UBXN2B: variants seen among roughly 807,000 people sequenced by gnomAD.
The protein encoded by UBXN2B is UBX domain-containing protein 2B.
A neutral mutation model predicts 37.5 loss-of-function variants in UBXN2B; 19 were observed. That is an observed-to-expected ratio of 0.51 (90% CI 0.35 to 0.74). The LOEUF (loss-of-function observed/expected upper bound fraction) is 0.74, where lower values mean the gene tolerates loss of function less well. UBXN2B is among the 30% of genes least tolerant of loss of function. The pLI, the probability that UBXN2B is intolerant of heterozygous loss-of-function variation, is 0.01. For missense variants in UBXN2B, 370 were observed against 393.2 expected (o/e 0.94, Z 0.50); for synonymous variants, 145 against 143.8 (o/e 1.01, Z -0.06).
chr8:58,411,799 A>G (rs776156090), intron 1 of UBXN2B, among the ~76,000 whole-genome samples: 12 of 152,208 alleles, frequency 7.9e-5, no homozygotes, highest in Non-Finnish European at 1.6e-4. Context: ...CTCCAGAAGA[A>G]AGGTTACTGT....
At position 58,447,380 on chromosome 8, in the gene UBXN2B, T is replaced by C. The variant is rs1197702987; in HGVS notation, c.834-9T>C. The C allele has an allele frequency of 1.3e-6, 2 of 1,552,388 alleles. No homozygotes were observed. The highest frequency in any genetic ancestry group is 1.7e-6 in the Non-Finnish European group (2 of 1,149,218). ...TATATTACAAATTATTTTTGTCTTATTTCTTCAGGATCCTGGATGTCCGGA... is the reference window on the plus strand; with the variant it reads ...TATATTACAAATTATTTTTGTCTTACTTCTTCAGGATCCTGGATGTCCGGA... On this transcript the variant is annotated splice_polypyrimidine_tract_variant and intron_variant, in intron 7 of 7. Coordinates refer to ENST00000399598, the MANE Select transcript of UBXN2B (RefSeq NM_001077619.2).
Position 58,430,514 on chromosome 8 carries a change from T to C in UBXN2B, c.189-5T>C. 1 of 1,533,236 alleles carries C rather than the reference T, an allele frequency of 6.5e-7. No individual in the cohort carries two copies. Among genetic ancestry groups the C allele is most frequent in the South Asian group, 1.3e-5 (1 of 76,492 alleles). 95.0% of individuals were successfully genotyped at this position (1,533,236 alleles called of 1,614,324 possible). On this transcript the variant is annotated splice_region_variant and splice_polypyrimidine_tract_variant and intron_variant, in intron 2 of 7. Coordinates refer to ENST00000399598, the MANE Select transcript of UBXN2B (RefSeq NM_001077619.2). ...GTTTTTATTCATGAACTAAAATGTT[T>C]AAAGGTTTTACTCAAGTGAACATGA...
intron 6 of UBXN2B, among the ~76,000 whole-genome samples, chr8:58,440,734 C>T (rs1290847850): frequency 6.6e-6 from 1 of 152,134 alleles, no homozygotes; most frequent in Non-Finnish European, 1.5e-5. Context: ...TCAGTTGCCT[C>T]GTGTACACTG....
rs559529959 is a variant in UBXN2B at position 58,420,911 on chromosome 8, A to G, written c.188+3958A>G. On this transcript the variant is annotated intron_variant, in intron 2 of 7. Coordinates refer to ENST00000399598, the MANE Select transcript of UBXN2B (RefSeq NM_001077619.2). ...TTAAGGGCAAATACAGATCCTGACAAAGGCATCCTGACATCAGGGAGGCCA... is the reference window on the plus strand; with the variant it reads ...TTAAGGGCAAATACAGATCCTGACAGAGGCATCCTGACATCAGGGAGGCCA... Among the ~76,000 whole-genome samples the G allele has an allele frequency of 1.1e-4, 17 of 152,344 alleles. No homozygotes were observed. In the East Asian group the frequency reaches 3.1e-3, roughly 28 times the overall value.
intron 2 of UBXN2B, among the ~76,000 whole-genome samples, chr8:58,418,190 G>A (rs541326292): frequency 8.2e-5 from 12 of 145,632 alleles, no homozygotes; most frequent in Non-Finnish European, 1.8e-4. Flanking sequence ...GCAGAGAGCC[G>A]AGATGGCGCG....
chr8:58,411,464 T>C lies in UBXN2B; in HGVS notation c.79T>C (p.Leu27=). Residue 27 remains leucine (L), a synonymous_variant, in exon 1 of 8, where the codon TTG becomes CTG. Transcript: ENST00000399598. The part of the protein sequence containing the change: ...SGPRPPSARD[L]QLALAELYED... ...GCCGCGGCCTCCGAGCGCGCGGGATTTGCAGGTGAGGCGAGGAGCCGGGGG... is the reference window on the plus strand; with the variant it reads ...GCCGCGGCCTCCGAGCGCGCGGGATCTGCAGGTGAGGCGAGGAGCCGGGGG... The C allele has an allele frequency of 8.0e-7, 1 of 1,253,834 alleles. No individual in the cohort carries two copies. Among genetic ancestry groups the C allele is most frequent in the Admixed American group, 4.2e-5 (1 of 23,714 alleles). 77.7% of individuals were successfully genotyped at this position (1,253,834 alleles called of 1,614,324 possible). A position where few individuals can be genotyped will look rare whatever the true frequency, so the allele number is the denominator to read the frequency against.
rs561363531 is a variant in UBXN2B, at chr8:58,424,713, C to T, written c.189-5806C>T. On this transcript the variant is annotated intron_variant, in intron 2 of 7. Transcript: ENST00000399598. The stretch of plus-strand genomic sequence containing the variant: ...GGGGGGGGGGGCTCTGATCTCCACT[C>T]GTCTGGTCCGCTAGAGAATACTTAA... 3.3e-5 allele frequency: 45 copies of T among 1,360,146 alleles called. No homozygotes were observed. The African/African-American group carries it at 5.3e-4, about 16-fold the overall frequency. 84.3% of individuals were successfully genotyped at this position (1,360,146 alleles called of 1,614,324 possible).
At position 58,439,541 on chromosome 8, in the gene UBXN2B, A is replaced by G; in HGVS notation, c.534-92A>G. On this transcript the variant is annotated intron_variant, in intron 5 of 7. Transcript: ENST00000399598. Reference sequence around the variant, plus strand: ...ATTTAAGCAAAAAATTCTGTTTTCCAGTGTAGCTCATGAAATAATTACAGT... The same window carrying G: ...ATTTAAGCAAAAAATTCTGTTTTCCGGTGTAGCTCATGAAATAATTACAGT... 4.9e-6 allele frequency: 7 copies of G among 1,438,752 alleles called. No individual in the cohort carries two copies. The South Asian group carries it at 1.1e-4, about 23-fold the overall frequency. The allele number at this position is 1,438,752 out of a possible 1,614,324, so 89.1% of individuals were successfully genotyped here.
Position 58,447,464 on chromosome 8 carries a change from A to G in UBXN2B, c.909A>G (p.Ser303=), listed in dbSNP as rs1408295161. ...CTCTTGACTTTATTCTTGTGACTTC[A>G]TTTCCGAATAAAGAGCTAACAGATG... ...FAALDFILVT[S]FPNKELTDES... The change falls in exon 8 of 8, where the codon TCA becomes TCG. Residue 303 remains serine (S), a synonymous_variant. Transcript: ENST00000399598. The G allele has an allele frequency of 2.5e-6, 4 of 1,613,376 alleles. No individual in the cohort carries two copies. Among genetic ancestry groups the G allele is most frequent in the South Asian group, 1.1e-5 (1 of 90,986 alleles).
chr8:58,438,862 A>T (rs1315358161), intron 5 of UBXN2B, among the ~76,000 whole-genome samples: 1 of 152,122 alleles, frequency 6.6e-6, no homozygotes. Flanking sequence ...TCCAAATCTC[A>T]TGTTGAAGTG....
chr8:58,416,657 G>A (rs1414829057), intron 1 of UBXN2B, among the ~76,000 whole-genome samples, 193 bp from the exon 2 acceptor site: 1 of 152,140 alleles, frequency 6.6e-6, no homozygotes, highest in Middle Eastern at 3.2e-3. Flanking sequence ...TCTAATAGAT[G>A]TGGCATTTTG....
intron 1 of UBXN2B, chr8:58,413,450 C>T (rs1807690085): frequency 6.6e-6 from 1 of 152,164 alleles, no homozygotes; most frequent in Non-Finnish European, 1.5e-5. Context: ...TATAGATTAT[C>T]TTGTTACCGT....
intron 2 of UBXN2B, among the ~76,000 whole-genome samples, chr8:58,421,644 T>C (rs1022446075): frequency 5.9e-5 from 9 of 152,220 alleles, no homozygotes; most frequent in African/African-American, 2.2e-4. Context: ...TCTTTGGAAC[T>C]TTAATTTCCA....
chr8:58,430,615 T>C lies in UBXN2B; in HGVS notation c.285T>C (p.His95=). ...AACTTTTCAAAGAGGCAAGGGAACATGGGGCTGTCCCTCTGAATGAAGCCA... is the reference window on the plus strand; with the variant it reads ...AACTTTTCAAAGAGGCAAGGGAACACGGGGCTGTCCCTCTGAATGAAGCCA... ...VNELFKEARE[H]GAVPLNEATR... is the part of the protein sequence containing the mutation. Residue 95 remains histidine (H), a synonymous_variant, in exon 3 of 8, where the codon CAT becomes CAC. Transcript: ENST00000399598. The C allele has an allele frequency of 6.2e-7, 1 of 1,602,838 alleles. No individual in the cohort carries two copies.
intron 2 of UBXN2B, among the ~76,000 whole-genome samples, chr8:58,428,643 GTTAGTT>G (rs1389466804): frequency 6.6e-6 from 1 of 152,170 alleles, no homozygotes; most frequent in African/African-American, 2.4e-5. Flanking sequence ...TATTTAATAA[GTTAGTT>G]TGAATGAGTA....
intron 2 of UBXN2B, among the ~76,000 whole-genome samples, chr8:58,418,940 A>G (rs1288706138): frequency 1.3e-5 from 2 of 152,198 alleles, no homozygotes; most frequent in African/African-American, 4.8e-5. Flanking sequence ...TTGAGTTCTT[A>G]TCATAAGATT....
At chr8:58,436,618 G>A (rs1808417890) in intron 5 of UBXN2B, among the ~76,000 whole-genome samples, 1 of 152,202 alleles carries the variant, frequency 6.6e-6, no homozygotes, top group South Asian at 2.1e-4. Context: ...GAGGTGTTTG[G>A]ATCATGGGGT....
intron 3 of UBXN2B, among the ~76,000 whole-genome samples, chr8:58,430,967 G>T (rs1320025954): frequency 6.6e-6 from 1 of 152,070 alleles, no homozygotes; most frequent in African/African-American, 2.4e-5. Context: ...TCCCCCAATG[G>T]TTCCCCCCAA....
intron 2 of UBXN2B, among the ~76,000 whole-genome samples, chr8:58,422,015 CTT>C (rs1214817534): frequency 6.6e-6 from 1 of 152,186 alleles, no homozygotes; most frequent in Non-Finnish European, 1.5e-5. Flanking sequence ...TGGTGAAAGA[CTT>C]TACCCCCAAA....
Sources: gnomAD v4.1 joint callset for allele counts (sites outside exome capture counted in the v4.1 genomes callset) on GRCh38, gnomAD v4.1.1 for gene constraint, MANE v1.5 for transcripts, NCBI Gene and HGNC (gene_info 2026-07-23, HGNC 2026-07-21) for gene names.